BTBD9: variants seen among roughly 807,000 people sequenced by gnomAD.
BTBD9 encodes BTB/POZ domain-containing protein 9.
A neutral mutation model predicts 64.3 loss-of-function variants in BTBD9; 49 were observed. The observed-to-expected ratio is 0.76, with a 90% CI of 0.61 to 0.97. The LOEUF (loss-of-function observed/expected upper bound fraction) is 0.97, where lower values mean the gene tolerates loss of function less well. BTBD9 is among the 50% of genes least tolerant of loss of function. The pLI is 0.00. For missense variants in BTBD9, 598 were observed against 762.1 expected (o/e 0.78, Z 2.53); for synonymous variants, 260 against 274.7 (o/e 0.95, Z 0.53).
At chr6:38,367,638 A>G (rs529124358) in intron 6 of BTBD9, among the ~76,000 whole-genome samples, 2 of 152,232 alleles carry the variant, frequency 1.3e-5, no homozygotes, top group East Asian at 3.9e-4. Context: ...GGAAGTTTCA[A>G]GCCCTCTCAG....
chr6:38,623,546 A>G (rs1582733151), intron 1 of BTBD9, among the ~76,000 whole-genome samples: 1 of 152,364 alleles, frequency 6.6e-6, no homozygotes, highest in South Asian at 2.1e-4. Flanking sequence ...CTGCTGAGAA[A>G]GGAGAACTCT....
At chr6:38,299,929 G>T (rs1762320835) in intron 7 of BTBD9, among the ~76,000 whole-genome samples, 1 of 152,300 alleles carries the variant, frequency 6.6e-6, no homozygotes, top group South Asian at 2.1e-4. Context: ...TGAAGTCCTT[G>T]ACCATGCCTA....
chr6:38,471,917 C>A (rs1245933116), intron 6 of BTBD9, among the ~76,000 whole-genome samples: 1 of 152,114 alleles, frequency 6.6e-6, no homozygotes, highest in Non-Finnish European at 1.5e-5. Context: ...ATAATGATTG[C>A]CTCTTTTGAG....
intron 6 of BTBD9, among the ~76,000 whole-genome samples, chr6:38,467,439 C>T (rs1266953585): frequency 6.6e-6 from 1 of 152,178 alleles, no homozygotes; most frequent in African/African-American, 2.4e-5. Flanking sequence ...TTACCTCCCC[C>T]CATATTAGGC....
At chr6:38,360,555 C>A (rs542871792) in intron 6 of BTBD9, among the ~76,000 whole-genome samples, 1 of 152,172 alleles carries the variant, frequency 6.6e-6, no homozygotes, top group African/African-American at 2.4e-5. Flanking sequence ...GGTACATAAT[C>A]CAGACACAGA....
At chr6:38,438,114 A>T (rs1768821374) in intron 6 of BTBD9, among the ~76,000 whole-genome samples, 1 of 151,572 alleles carries the variant, frequency 6.6e-6, no homozygotes, top group Admixed American at 6.6e-5. Context: ...ACATTTGTAG[A>T]AAGGATCTAG....
intron 9 of BTBD9, among the ~76,000 whole-genome samples, chr6:38,223,182 C>CA (rs1222334199): frequency 6.6e-6 from 1 of 152,178 alleles, no homozygotes; most frequent in Non-Finnish European, 1.5e-5. Context: ...GCTAGGATTA[C>CA]AGGCATGAGC....
At position 38,174,320 on chromosome 6, in the gene BTBD9, G is replaced by A. The variant is rs1766908424; in HGVS notation, c.*665C>T. The stretch of plus-strand genomic sequence containing the variant: ...GTGGCACTTCCTCTGTGGCCCAAGT[G>A]CCAGGATGAGCTGCATCCGTGTCTC... On this transcript the variant is annotated 3_prime_UTR_variant, in exon 11 of 11. Transcript: ENST00000481247. 6.6e-6 allele frequency: 1 copy of A among 152,236 alleles called. No homozygotes were observed. Among genetic ancestry groups the A allele is most frequent in the Non-Finnish European group, 1.5e-5 (1 of 68,056 alleles). The allele number at this position is 152,236 out of a possible 1,614,324, so 9.4% of individuals were successfully genotyped here. A position where few individuals can be genotyped will look rare whatever the true frequency, so the allele number is the denominator to read the frequency against.
intron 6 of BTBD9, among the ~76,000 whole-genome samples, chr6:38,360,203 T>A (rs1764894094): frequency 6.6e-6 from 1 of 152,176 alleles, no homozygotes. Flanking sequence ...AATTTCCTCA[T>A]CTGTAAAGGG....
chr6:38,630,547 A>T (rs1390074295), intron 1 of BTBD9, among the ~76,000 whole-genome samples: 3 of 152,202 alleles, frequency 2.0e-5, no homozygotes, highest in African/African-American at 7.2e-5. Flanking sequence ...AATGTGGTAA[A>T]ATGTTAACAT....
At chr6:38,506,211 A>G (rs897633222) in intron 6 of BTBD9, among the ~76,000 whole-genome samples, 5 of 152,172 alleles carry the variant, frequency 3.3e-5, no homozygotes, top group African/African-American at 1.2e-4. Flanking sequence ...TTAAGTTCCA[A>G]TAAACCCATC....
At chr6:38,534,156 G>T (rs1773914955) in intron 6 of BTBD9, among the ~76,000 whole-genome samples, 1 of 151,256 alleles carries the variant, frequency 6.6e-6, no homozygotes, top group African/African-American at 2.4e-5. Context: ...AAAGAGAGAA[G>T]ATAAAAAAAA....
At chr6:38,516,155 G>A (rs1400966351) in intron 6 of BTBD9, among the ~76,000 whole-genome samples, 1 of 152,056 alleles carries the variant, frequency 6.6e-6, no homozygotes, top group African/African-American at 2.4e-5. Flanking sequence ...CCTCAGGGCA[G>A]GAAACAAGTA....
chr6:38,636,764 T>G (rs1011257492), intron 1 of BTBD9, among the ~76,000 whole-genome samples: 31 of 152,166 alleles, frequency 2.0e-4, no homozygotes, highest in African/African-American at 7.2e-4. Context: ...CTTTTTAGGA[T>G]GAAGTGGAAG....
At chr6:38,254,608 G>T (rs1030705050) in intron 9 of BTBD9, among the ~76,000 whole-genome samples, 2 of 152,158 alleles carry the variant, frequency 1.3e-5, no homozygotes, top group African/African-American at 4.8e-5. Flanking sequence ...CTGCACTCCA[G>T]TCTGGGCAAC....
chr6:38,396,744 GTGTAAAATACACAC>G (rs1766691033), intron 6 of BTBD9, among the ~76,000 whole-genome samples: 1 of 152,148 alleles, frequency 6.6e-6, no homozygotes, highest in African/African-American at 2.4e-5. Flanking sequence ...TGAGCTGTAA[GTGTAAAATACACAC>G]TGGATTTTGA....
intron 8 of BTBD9, among the ~76,000 whole-genome samples, chr6:38,264,830 C>T (rs1195646425): frequency 3.3e-5 from 5 of 152,104 alleles, no homozygotes; most frequent in African/African-American, 7.2e-5. Flanking sequence ...AGGCGGCTGC[C>T]CTGCAGATTC....
At chr6:38,594,910 A>T (rs1263621283) in intron 2 of BTBD9, among the ~76,000 whole-genome samples, 2 of 152,194 alleles carry the variant, frequency 1.3e-5, no homozygotes, top group Admixed American at 6.5e-5. Flanking sequence ...CTCTTTTAGG[A>T]CTCAATTCTA....
chr6:38,470,794 AG>A (rs1236358092), intron 6 of BTBD9, among the ~76,000 whole-genome samples: 2 of 152,210 alleles, frequency 1.3e-5, no homozygotes, highest in Non-Finnish European at 2.9e-5. Context: ...TTCAGAAGAG[AG>A]GAGCATTAGA....
Sources: gnomAD v4.1 joint callset for allele counts (sites outside exome capture counted in the v4.1 genomes callset) on GRCh38, gnomAD v4.1.1 for gene constraint, MANE v1.5 for transcripts, NCBI Gene and HGNC (gene_info 2026-07-23, HGNC 2026-07-21) for gene names.